NLGN1: variants seen among roughly 807,000 people sequenced by gnomAD.
NLGN1 encodes neuroligin-1.
A neutral mutation model predicts 65.5 loss-of-function variants in NLGN1; 12 were observed. The ratio of observed to expected loss-of-function variants is 0.18; its 90% confidence interval spans 0.12 to 0.30. The LOEUF (loss-of-function observed/expected upper bound fraction) is 0.30, where lower values mean the gene tolerates loss of function less well. Among genes scored for constraint, NLGN1 ranks in the 10% least tolerant of loss-of-function variants. The probability of loss-of-function intolerance (pLI) is 1.00; values close to 1 mark genes in which losing one functional copy is unlikely to be tolerated. For missense variants in NLGN1, 750 were observed against 1,007.1 expected (o/e 0.74, Z 3.46); for synonymous variants, 350 against 359.5 (o/e 0.97, Z 0.30).
chr3:174,066,516 G>GGCTCTCTC (rs559019828), intron 4 of NLGN1, among the ~76,000 whole-genome samples: 1 of 67,012 alleles, frequency 1.5e-5, no homozygotes, highest in Non-Finnish European at 2.8e-5. Context: ...TATGGAACAA[G>GGCTCTCTC]TCTCTCTCTC....
intron 4 of NLGN1, among the ~76,000 whole-genome samples, chr3:174,141,607 T>C: frequency 6.6e-6 from 1 of 152,202 alleles, no homozygotes; most frequent in Non-Finnish European, 1.5e-5. Context: ...ATATTTGTAA[T>C]AAATATCTGC....
chr3:174,008,534 A>G (rs1268759085), intron 4 of NLGN1, among the ~76,000 whole-genome samples: 2 of 151,984 alleles, frequency 1.3e-5, no homozygotes, highest in African/African-American at 2.4e-5. Flanking sequence ...ACACAAAGCA[A>G]GAGTACCTCA....
chr3:173,672,853 C>T (rs1762631281), intron 3 of NLGN1, among the ~76,000 whole-genome samples: 1 of 152,122 alleles, frequency 6.6e-6, no homozygotes, highest in Non-Finnish European at 1.5e-5. Flanking sequence ...CACTTTACAA[C>T]AGCAGAAGTG....
chr3:173,403,026 C>T (rs73883122), intron 1 of NLGN1, among the ~76,000 whole-genome samples: 6,062 of 152,058 alleles, frequency 0.04, 348 homozygotes, highest in African/African-American at 0.13. Flanking sequence ...CTGTCCTTCT[C>T]AGATCTCTTA....
intron 3 of NLGN1, among the ~76,000 whole-genome samples, chr3:173,715,860 A>G (rs1769766750): frequency 6.7e-6 from 1 of 149,078 alleles, no homozygotes; most frequent in African/African-American, 2.4e-5. Context: ...GTGTCACAAC[A>G]TTATGAAAAC....
chr3:174,250,789 T>C (rs1373100991), intron 4 of NLGN1, among the ~76,000 whole-genome samples: 1 of 152,098 alleles, frequency 6.6e-6, no homozygotes, highest in East Asian at 1.9e-4. Context: ...ACCCAGAATA[T>C]ATAGATAATC....
chr3:174,267,695 A>T (rs867525936), intron 4 of NLGN1, among the ~76,000 whole-genome samples: 1 of 152,166 alleles, frequency 6.6e-6, no homozygotes, highest in African/African-American at 2.4e-5. Context: ...GGCTGCTGAG[A>T]GGGATTTTTC....
chr3:174,029,568 G>A (rs899309091), intron 4 of NLGN1, among the ~76,000 whole-genome samples: 2 of 152,126 alleles, frequency 1.3e-5, no homozygotes, highest in Non-Finnish European at 2.9e-5. Context: ...GAATGAGTTA[G>A]GACCTTGGGG....
intron 3 of NLGN1, among the ~76,000 whole-genome samples, chr3:173,732,101 C>T (rs1167762319): frequency 6.6e-6 from 1 of 152,010 alleles, no homozygotes; most frequent in Non-Finnish European, 1.5e-5. Flanking sequence ...ATTTAAATTG[C>T]TTAAACCCCC....
intron 4 of NLGN1, among the ~76,000 whole-genome samples, chr3:173,897,594 A>G (rs1327484126): frequency 3.9e-5 from 6 of 152,220 alleles, no homozygotes; most frequent in Non-Finnish European, 2.9e-5. Context: ...AGTAAAATCC[A>G]ATGACAATTT....
At chr3:173,893,952 C>G (rs901781456) in intron 4 of NLGN1, among the ~76,000 whole-genome samples, 3 of 152,130 alleles carry the variant, frequency 2.0e-5, no homozygotes. Flanking sequence ...CTCTTCATGC[C>G]TTTTTTGTGA....
chr3:174,228,707 T>G (rs899566451), intron 4 of NLGN1, among the ~76,000 whole-genome samples: 1 of 152,108 alleles, frequency 6.6e-6, no homozygotes, highest in African/African-American at 2.4e-5. Context: ...AATGTGCCCT[T>G]CCTTTTCATA....
intron 1 of NLGN1, among the ~76,000 whole-genome samples, chr3:173,411,035 A>G (rs1250923883): frequency 6.6e-6 from 1 of 152,236 alleles, no homozygotes; most frequent in Non-Finnish European, 1.5e-5. Context: ...CATAGGCTAC[A>G]TATGGTCACT....
At chr3:173,581,287 G>T (rs963887282) in intron 2 of NLGN1, among the ~76,000 whole-genome samples, 2 of 151,948 alleles carry the variant, frequency 1.3e-5, no homozygotes, top group African/African-American at 2.4e-5. Context: ...CCTAGTGATT[G>T]TGAAATGAGA....
At chr3:173,883,102 G>A (rs73883604) in intron 4 of NLGN1, among the ~76,000 whole-genome samples, 49 of 147,276 alleles carry the variant, frequency 3.3e-4, no homozygotes, top group Non-Finnish European at 1.8e-4. Flanking sequence ...AAGAGATCTA[G>A]CTTTCACCCT....
In NLGN1 at chr3:173,695,460, AT is replaced by A. The variant is rs749584228; in HGVS notation, c.493+90378del. On this transcript the variant is annotated intron_variant, in intron 3 of 6. Coordinates refer to ENST00000457714, the Ensembl canonical transcript of NLGN1. ...AAGGATATATATGTTCATACTTAGG[AT>A]TTTTTTTTCAATCCATTTATTCTGA... The A allele has an allele frequency of 6.4e-4, 141 of 220,320 alleles. 1 individual carries two copies. The highest frequency in any genetic ancestry group is 3.7e-3 in the Middle Eastern group (2 of 544). 13.6% of individuals were successfully genotyped at this position (220,320 alleles called of 1,614,324 possible).
chr3:173,822,536 T>C (rs112008364), intron 4 of NLGN1, among the ~76,000 whole-genome samples: 6 of 152,176 alleles, frequency 3.9e-5, no homozygotes, highest in African/African-American at 1.2e-4. Context: ...GTATAAGGTG[T>C]ATATGATACA....
At chr3:173,998,246 G>C (rs116715941) in intron 4 of NLGN1, among the ~76,000 whole-genome samples, 1 of 152,034 alleles carries the variant, frequency 6.6e-6, no homozygotes, top group African/African-American at 2.4e-5. Flanking sequence ...TTGCTGTTTC[G>C]TTGGCCAGGT....
chr3:174,141,874 A>G (rs1247383938), intron 4 of NLGN1, among the ~76,000 whole-genome samples: 1 of 152,230 alleles, frequency 6.6e-6, no homozygotes, highest in Non-Finnish European at 1.5e-5. Context: ...TTTAAATTAA[A>G]TGTTAAACAC....
Sources: gnomAD v4.1 joint callset for allele counts (sites outside exome capture counted in the v4.1 genomes callset) on GRCh38, gnomAD v4.1.1 for gene constraint, MANE v1.5 for transcripts, NCBI Gene and HGNC (gene_info 2026-07-23, HGNC 2026-07-21) for gene names.